The following STXBP5L variants were observed in gnomAD, a reference collection of about 807,000 sequenced individuals.
The protein encoded by STXBP5L is syntaxin-binding protein 5-like.
In STXBP5L, 65 loss-of-function variants were observed where a neutral mutation model predicts 144.5. The ratio of observed to expected loss-of-function variants is 0.45; its 90% CI spans 0.37 to 0.55. The LOEUF is 0.55. STXBP5L is among the 20% of genes least tolerant of loss of function. The pLI is 0.00. For synonymous variants in STXBP5L, 505 were observed against 469.6 expected (o/e 1.08, Z -0.97); for missense variants, 1,298 against 1,405.5 (o/e 0.92, Z 1.22).
intron 11 of STXBP5L, among the ~76,000 whole-genome samples, chr3:121,229,012 T>C (rs544830985): frequency 2.0e-5 from 3 of 152,348 alleles, no homozygotes; most frequent in African/African-American, 7.2e-5. Context: ...ATAATTTCTT[T>C]TAATTATAGC....
intron 20 of STXBP5L, among the ~76,000 whole-genome samples, chr3:121,322,372 G>A (rs2044000039): frequency 6.6e-6 from 1 of 151,784 alleles, no homozygotes; most frequent in Non-Finnish European, 1.5e-5. Context: ...CAGCTACTAG[G>A]GAGGCTGAGG....
At chr3:121,191,940 C>CTGGGG (rs1423116078) in intron 9 of STXBP5L, among the ~76,000 whole-genome samples, 74 of 85,032 alleles carry the variant, frequency 8.7e-4, no homozygotes, top group African/African-American at 3.2e-3. Flanking sequence ...ACACAGGGGC[C>CTGGGG]TGTTTTGGGG....
chr3:121,158,262 A>C (rs2046191069), intron 9 of STXBP5L: 1 of 152,184 alleles, frequency 6.6e-6, no homozygotes, highest in Non-Finnish European at 1.5e-5. Context: ...TTATTTGATA[A>C]TATTGGTGAT....
chr3:121,047,297 C>G (rs1197912558), intron 5 of STXBP5L, among the ~76,000 whole-genome samples: 1 of 151,748 alleles, frequency 6.6e-6, no homozygotes, highest in Admixed American at 6.6e-5. Context: ...AGAGTATGTG[C>G]TATGTACAGA....
rs920655112 is a variant in STXBP5L at position 121,184,895 on chromosome 3, A to G, written c.878-21028A>G. On this transcript the variant is annotated intron_variant, in intron 9 of 26. Transcript: ENST00000471454. ...GCAGAAACCCTACAAGCCAAAAGAG[A>G]GTGGGGACCAATATTCAACATTCTT... Among the ~76,000 whole-genome samples, 8 of 152,326 alleles carry G rather than the reference A, an allele frequency of 5.3e-5. No individual in the cohort carries two copies. The East Asian group carries it at 1.2e-3, about 22-fold the overall frequency.
At chr3:121,269,051 T>A (rs1291759051) in intron 18 of STXBP5L, among the ~76,000 whole-genome samples, 2 of 152,100 alleles carry the variant, frequency 1.3e-5, no homozygotes, top group East Asian at 3.9e-4. Context: ...CTCAGTCTCT[T>A]TATAGAACAG....
chr3:121,359,733 C>A (rs2045646379), intron 20 of STXBP5L, among the ~76,000 whole-genome samples: 1 of 151,786 alleles, frequency 6.6e-6, no homozygotes, highest in Admixed American at 6.6e-5. Context: ...TTCTTGGCAC[C>A]TTTGTCAAAA....
intron 3 of STXBP5L, among the ~76,000 whole-genome samples, chr3:120,972,330 A>C (rs1307125743): frequency 6.6e-6 from 1 of 152,060 alleles, no homozygotes; most frequent in Non-Finnish European, 1.5e-5. Flanking sequence ...TTTTCTAGCC[A>C]TTGCAAATCC....
At chr3:121,171,462 C>G (rs1032466579) in intron 9 of STXBP5L, among the ~76,000 whole-genome samples, 1 of 152,108 alleles carries the variant, frequency 6.6e-6, no homozygotes, top group Non-Finnish European at 1.5e-5. Context: ...AAAACCCCAT[C>G]GTCTCAGCCC....
At chr3:121,117,584 A>T (rs1224223695) in intron 6 of STXBP5L, among the ~76,000 whole-genome samples, 2 of 151,724 alleles carry the variant, frequency 1.3e-5, no homozygotes, top group African/African-American at 4.8e-5. Context: ...AATTAAGAAG[A>T]CTCATTTAAT....
chr3:121,133,041 G>A (rs970636142), intron 7 of STXBP5L, among the ~76,000 whole-genome samples: 1 of 152,106 alleles, frequency 6.6e-6, no homozygotes, highest in African/African-American at 2.4e-5. Flanking sequence ...TCCATAATGA[G>A]AAGAAGCATA....
At chr3:120,971,153 T>G (rs1184989507) in intron 3 of STXBP5L, among the ~76,000 whole-genome samples, 1 of 152,156 alleles carries the variant, frequency 6.6e-6, no homozygotes, top group African/African-American at 2.4e-5. Flanking sequence ...AAAATCTGGT[T>G]AGAAATTTGG....
chr3:121,032,500 C>G (rs1195620025), intron 3 of STXBP5L, among the ~76,000 whole-genome samples: 3 of 151,752 alleles, frequency 2.0e-5, no homozygotes, highest in Non-Finnish European at 4.4e-5. Context: ...CCATTCAGGA[C>G]ATAGGCACGG....
chr3:121,088,107 A>T (rs1014454472), intron 5 of STXBP5L, among the ~76,000 whole-genome samples: 1 of 151,930 alleles, frequency 6.6e-6, no homozygotes, highest in African/African-American at 2.4e-5. Context: ...TAATTAAACT[A>T]AAGAGCTTCT....
chr3:121,411,162 G>A (rs953060457), intron 23 of STXBP5L, among the ~76,000 whole-genome samples: 2 of 151,994 alleles, frequency 1.3e-5, no homozygotes, highest in African/African-American at 2.4e-5. Context: ...TGTAATTTAC[G>A]TTTACAGCAC....
At chr3:121,319,769 G>A (rs989591452) in intron 20 of STXBP5L, among the ~76,000 whole-genome samples, 22 of 151,876 alleles carry the variant, frequency 1.4e-4, no homozygotes, top group Middle Eastern at 3.4e-3. Context: ...ATAAATCTTC[G>A]ATATAAAATA....
intron 19 of STXBP5L, among the ~76,000 whole-genome samples, chr3:121,317,902 A>T (rs944802343): frequency 2.6e-5 from 4 of 152,104 alleles, no homozygotes; most frequent in Non-Finnish European, 5.9e-5. Context: ...AAAATTTAGA[A>T]TTTGTAGTTT....
chr3:121,066,956 G>T (rs747383983), intron 5 of STXBP5L, among the ~76,000 whole-genome samples: 2 of 151,974 alleles, frequency 1.3e-5, no homozygotes, highest in East Asian at 3.8e-4. Context: ...TGTTTTTGAA[G>T]AAATTTTTCC....
chr3:121,078,432 C>T lies in STXBP5L; in HGVS notation c.470+32897C>T, dbSNP rs564653123. On this transcript the variant is annotated intron_variant, in intron 5 of 26. Transcript: ENST00000471454. ...CCCTTAGCTAGACATAAAGGTTCTC[C>T]AAGTTCCCACCAGGCTGAGGAGCCC... Among the ~76,000 whole-genome samples the T allele has an allele frequency of 9.2e-5, 14 of 152,384 alleles. No individual in the cohort carries two copies. In the South Asian group the frequency reaches 1.9e-3, roughly 20 times the overall value.
Sources: allele counts gnomAD v4.1 joint callset (sites outside exome capture counted in the v4.1 genomes callset), GRCh38; gene constraint gnomAD v4.1.1; transcripts MANE v1.5; gene names NCBI Gene and HGNC (gene_info 2026-07-23, HGNC 2026-07-21).